Variants in PLXNA2 observed in about 807,000 individuals in gnomAD.
The protein encoded by PLXNA2 is plexin-A2.
PLXNA2 carries 91 observed loss-of-function variants against 193.5 expected under a neutral mutation model. The observed-to-expected ratio is 0.47, with a 90% CI of 0.40 to 0.56. The LOEUF is 0.56. Ranked by LOEUF, PLXNA2 falls within the 20% of genes least tolerant of loss-of-function variation. The pLI is 0.00. For missense variants in PLXNA2, 1,995 were observed against 2,503.2 expected (o/e 0.80, Z 4.33); for synonymous variants, 997 against 1,027.3 (o/e 0.97, Z 0.56).
chr1:208,052,598 A>G lies in PLXNA2; in HGVS notation c.2857-135T>C. ...CTTGTCCTGTCCTTTTCAATCCTAAATGCTCTCTCTGCTTACCCCAGAGGT... is the reference window on the plus strand; with the variant it reads ...CTTGTCCTGTCCTTTTCAATCCTAAGTGCTCTCTCTGCTTACCCCAGAGGT... On this transcript the variant is annotated intron_variant, in intron 14 of 31. Coordinates refer to ENST00000367033, the MANE Select transcript of PLXNA2 (RefSeq NM_025179.4). 3.8e-6 allele frequency: 3 copies of G among 793,420 alleles called. No homozygotes were observed. The South Asian group carries it at 5.4e-5, about 14-fold the overall frequency. 49.1% of individuals were successfully genotyped at this position (793,420 alleles called of 1,614,324 possible). A position where few individuals can be genotyped will look rare whatever the true frequency, so the allele number is the denominator to read the frequency against.
chr1:208,203,375 G>A (rs919739080), intron 3 of PLXNA2, among the ~76,000 whole-genome samples: 3 of 152,208 alleles, frequency 2.0e-5, no homozygotes, highest in African/African-American at 7.2e-5. Flanking sequence ...CAGCATTGCT[G>A]AGACGCCTGG....
chr1:208,149,301 G>C (rs112083501), intron 3 of PLXNA2, among the ~76,000 whole-genome samples: 4,506 of 151,758 alleles, frequency 0.03, 97 homozygotes, highest in Middle Eastern at 0.065. Context: ...TATGTGTGTG[G>C]TGTGTGTAAA....
chr1:208,155,293 C>G (rs1415473510), intron 3 of PLXNA2, among the ~76,000 whole-genome samples: 1 of 152,198 alleles, frequency 6.6e-6, no homozygotes, highest in Non-Finnish European at 1.5e-5. Context: ...GTCTCAGACC[C>G]TTTTCACTTT....
At chr1:208,208,701 G>C (rs1300235139) in intron 3 of PLXNA2, among the ~76,000 whole-genome samples, 1 of 152,186 alleles carries the variant, frequency 6.6e-6, no homozygotes, top group African/African-American at 2.4e-5. Context: ...GGCCCTTAGA[G>C]AGCCTGTGTG....
intron 18 of PLXNA2, among the ~76,000 whole-genome samples, chr1:208,045,471 T>C (rs867041396): frequency 7.2e-5 from 11 of 151,754 alleles, no homozygotes; most frequent in Non-Finnish European, 1.0e-4. Flanking sequence ...AGAGAAAATT[T>C]TGGGGGAGGA....
At chr1:208,104,622 G>A (rs1201672917) in intron 4 of PLXNA2, among the ~76,000 whole-genome samples, 1 of 152,184 alleles carries the variant, frequency 6.6e-6, no homozygotes, top group Non-Finnish European at 1.5e-5. Flanking sequence ...ATGAGCGAAA[G>A]CGATCATGGA....
chr1:208,195,579 G>A (rs1032489820), intron 3 of PLXNA2, among the ~76,000 whole-genome samples: 1 of 151,842 alleles, frequency 6.6e-6, no homozygotes, highest in Non-Finnish European at 1.5e-5. Context: ...CCCAAAGAGT[G>A]GGGAGATTCA....
chr1:208,201,644 A>G (rs558290929), intron 3 of PLXNA2, among the ~76,000 whole-genome samples: 1 of 152,332 alleles, frequency 6.6e-6, no homozygotes, highest in South Asian at 2.1e-4. Flanking sequence ...CAGTAATAAT[A>G]GAAAGCACTT....
At position 208,210,304 on chromosome 1, in the gene PLXNA2, C is replaced by A. The variant is rs1220903403; in HGVS notation, c.1347G>T (p.Gly449=). 6.2e-7 allele frequency: 1 copy of A among 1,613,736 alleles called. No homozygotes were observed. Among genetic ancestry groups the A allele is most frequent in the African/African-American group, 1.3e-5 (1 of 74,810 alleles). The change falls in exon 3 of 32, where the codon GGG becomes GGT. Residue 449 remains glycine, a synonymous_variant. Transcript: ENST00000367033. The part of the protein sequence containing the change: ...VYNGYSVVFV[G]TKSGKLKKIR... Reference sequence around the variant, plus strand: ...CCTTTTTCAGCTTGCCACTCTTAGTCCCCACAAAAACCACGCTGTAGCCGT... The same window carrying A: ...CCTTTTTCAGCTTGCCACTCTTAGTACCCACAAAAACCACGCTGTAGCCGT...
In PLXNA2 at chr1:208,038,483, A is replaced by G. The variant is rs759807604; in HGVS notation, c.4661-9T>C. On this transcript the variant is annotated splice_polypyrimidine_tract_variant and intron_variant, in intron 25 of 31. Coordinates refer to ENST00000367033, the MANE Select transcript of PLXNA2 (RefSeq NM_025179.4). This position sits in a 1 kb window ranked among gnomAD's most constrained non-coding sequence, Gnocchi z 4.1. ...CCGGCCTTGGCGCCACTCTGGGTGGAGGGGGTGGTGCAGGGAGCGGCGTGA... is the reference window on the plus strand; with the variant it reads ...CCGGCCTTGGCGCCACTCTGGGTGGGGGGGGTGGTGCAGGGAGCGGCGTGA... 22 of 1,608,004 alleles carry G rather than the reference A, an allele frequency of 1.4e-5. 1 individual carries two copies. Among genetic ancestry groups the G allele is most frequent in the Non-Finnish European group, 1.9e-5 (22 of 1,174,534 alleles).
chr1:208,210,352 G>A lies in PLXNA2; in HGVS notation c.1299C>T (p.Thr433=), dbSNP rs1358808195. The A allele has an allele frequency of 1.2e-6, 2 of 1,614,060 alleles. No homozygotes were observed. Among genetic ancestry groups the A allele is most frequent in the East Asian group, 2.2e-5 (1 of 44,848 alleles). ...TLYTTSRDRM[T]SVASYVYNGY... is the part of the protein sequence containing the mutation. ...CGTTGTAAACGTAGGAGGCCACAGAGGTCATGCGGTCCCTGCTGGTGGTGT... is the reference window on the plus strand; with the variant it reads ...CGTTGTAAACGTAGGAGGCCACAGAAGTCATGCGGTCCCTGCTGGTGGTGT... The change falls in exon 3 of 32, where the codon ACC becomes ACT. Residue 433 remains threonine (T), a synonymous_variant. Transcript: ENST00000367033.
At position 208,209,983 on chromosome 1, in the gene PLXNA2, A is replaced by AATTTTTTTTTTTTTTTTTTTTTTTTT. The variant is rs34413554; in HGVS notation, c.1371+296_1371+297insAAAAAAAAAAAAAAAAAAAAAAAAAT. The AATTTTTTTTTTTTTTTTTTTTTTTTT allele has an allele frequency of 3.2e-3, 283 of 87,902 alleles. 85 individuals carry two copies. Among genetic ancestry groups the AATTTTTTTTTTTTTTTTTTTTTTTTT allele is most frequent in the East Asian group, 0.014 (34 of 2,448 alleles). 5.4% of individuals were successfully genotyped at this position (87,902 alleles called of 1,614,324 possible). A position where few individuals can be genotyped will look rare whatever the true frequency, so the allele number is the denominator to read the frequency against. On this transcript the variant is annotated intron_variant, in intron 3 of 31. Transcript: ENST00000367033. ...TTGCTTGATTTGGGAATGAAGAGCA[A>AATTTTTTTTTTTTTTTTTTTTTTTTT]TTTTTTTTTTTTTTTTTTTTTGCTT...
At chr1:208,167,319 C>T (rs1041521281) in intron 3 of PLXNA2, among the ~76,000 whole-genome samples, 2 of 152,134 alleles carry the variant, frequency 1.3e-5, no homozygotes, top group South Asian at 2.1e-4. Context: ...CAAAGTGGGC[C>T]GCTAATGCAT....
chr1:208,135,088 G>A (rs935689646), intron 4 of PLXNA2, among the ~76,000 whole-genome samples: 2 of 152,132 alleles, frequency 1.3e-5, no homozygotes, highest in African/African-American at 4.8e-5. Flanking sequence ...GGTATGCTAA[G>A]GGTCTGGCCT....
Position 208,096,829 on chromosome 1 carries a change from A to C in PLXNA2, c.1786T>G (p.Phe596Val). ...PDLSAGIACA[F>V]GNLTEVEGQV... Reference sequence around the variant, plus strand: ...CCCTCCACCTCTGTCAGGTTCCCAAAGGCACAGGCGATACCCGCAGATAGA... The same window carrying C: ...CCCTCCACCTCTGTCAGGTTCCCAACGGCACAGGCGATACCCGCAGATAGA... The change falls in exon 7 of 32, where the codon TTT becomes GTT. Residue 596 changes from phenylalanine (F) to valine (V), a missense_variant. Phe to Val is a conservative substitution (Grantham distance 50). Around this residue, in one of 3 missense-constraint regions of PLXNA2, gnomAD observed 702 missense variants for 812.9 expected, o/e 0.86. Transcript: ENST00000367033. 2 of 1,614,134 alleles carry C rather than the reference A, an allele frequency of 1.2e-6. No individual in the cohort carries two copies. Among genetic ancestry groups the C allele is most frequent in the Non-Finnish European group, 1.7e-6 (2 of 1,180,028 alleles).
Position 208,052,338 on chromosome 1 carries a change from G to T in PLXNA2, c.2982C>A (p.Cys994Ter). The change falls in exon 15 of 32, where the codon TGC becomes TGA. Residue 994 changes from cysteine to a stop codon, truncating the protein, a stop_gained. Coordinates refer to ENST00000367033, the MANE Select transcript of PLXNA2 (RefSeq NM_025179.4). LOFTEE classifies it high-confidence loss of function. ...SVAVYLGNQT[C>*]EFYGRSMSEI... The stretch of plus-strand genomic sequence containing the variant: ...CAAGTTTATCTCACCCGTAGAACTC[G>T]CAGGTCTGGTTGCCCAGGTAGACTG... The T allele has an allele frequency of 6.2e-7, 1 of 1,612,940 alleles. No homozygotes were observed. The highest frequency in any genetic ancestry group is 8.5e-7 in the Non-Finnish European group (1 of 1,179,980).
intron 1 of PLXNA2, among the ~76,000 whole-genome samples, chr1:208,242,220 G>A (rs561174753): frequency 3.8e-4 from 58 of 152,120 alleles, no homozygotes; most frequent in Non-Finnish European, 7.6e-4. Context: ...CCAACCCAGA[G>A]GGAAGAGTGA....
At chr1:208,212,303 T>C (rs1670988167) in intron 2 of PLXNA2, among the ~76,000 whole-genome samples, 3 of 152,206 alleles carry the variant, frequency 2.0e-5, no homozygotes. Flanking sequence ...TTCCGTTCCT[T>C]TCTCTTCTCA....
intron 3 of PLXNA2, among the ~76,000 whole-genome samples, chr1:208,174,789 A>G (rs543027449): frequency 6.6e-6 from 1 of 152,144 alleles, no homozygotes; most frequent in African/African-American, 2.4e-5. Context: ...TCTCCTCCTC[A>G]TGTGTTCCCC....
Sources: gnomAD v4.1 joint callset for allele counts (sites outside exome capture counted in the v4.1 genomes callset) on GRCh38, gnomAD v4.1.1 for gene constraint, gnomAD v4.1.1 regional missense constraint, Gnocchi (gnomAD v3.1) non-coding constraint, MANE v1.5 for transcripts, NCBI Gene and HGNC (gene_info 2026-07-23, HGNC 2026-07-21) for gene names.